The following RNF144B variants were observed in gnomAD, a reference collection of about 807,000 sequenced individuals.
RNF144B encodes the protein E3 ubiquitin-protein ligase RNF144B.
In RNF144B, 25 loss-of-function variants were observed where a neutral mutation model predicts 40.2. The observed-to-expected ratio is 0.62, with a 90% CI of 0.45 to 0.87. RNF144B has a LOEUF of 0.87. Ranked by LOEUF, RNF144B falls within the 40% of genes least tolerant of loss-of-function variation. The pLI is 0.00. For synonymous variants in RNF144B, 145 were observed against 136.3 expected, an observed-to-expected ratio of 1.06 and a Z score of -0.44; for missense variants, 365 against 373.7, an observed-to-expected ratio of 0.98 and a Z score of 0.19.
intron 1 of RNF144B, chr6:18,396,490 A>C: frequency 2.0e-6 from 2 of 984,616 alleles, no homozygotes; most frequent in Non-Finnish European, 2.4e-6. Context: ...CTAGGTCAGA[A>C]CAACAGGATT....
chr6:18,428,527 C>G (rs1300951818), intron 3 of RNF144B, among the ~76,000 whole-genome samples: 1 of 151,896 alleles, frequency 6.6e-6, no homozygotes, highest in Admixed American at 6.6e-5. Flanking sequence ...TGTTCAATCA[C>G]CGGTTATTGG....
rs58124564 is a variant in RNF144B at position 18,406,457 on chromosome 6, A to AGTGTGTGTGTGTGTGTGT, written c.165+6785_165+6802dup. 1.3e-4 allele frequency among the ~76,000 whole-genome samples: 17 copies of AGTGTGTGTGTGTGTGTGT among 131,014 alleles called. No homozygotes were observed. The highest frequency in any genetic ancestry group is 4.8e-4 in the East Asian group (2 of 4,146). The allele number at this position is 131,014 out of a possible 152,430, so 86.0% of individuals were successfully genotyped here. ...CAAAGGAGGCTGGTGTGGCTGGAAA[A>AGTGTGTGTGTGTGTGTGT]GTGTGTGTGTGTGTGTGTGTGTGTG... On this transcript the variant is annotated intron_variant, in intron 2 of 7. Transcript: ENST00000259939. This position sits in a 1 kb window ranked among gnomAD's most constrained non-coding sequence, Gnocchi z 4.2.
At chr6:18,387,750 T>A in intron 1 of RNF144B, 120 bp downstream of exon 1, 1 of 739,436 alleles carries the variant, frequency 1.4e-6, no homozygotes, top group South Asian at 1.7e-5. Context: ...TTTCTGTCTC[T>A]AGTGCTCAAA....
chr6:18,389,345 A>G (rs1297430267), intron 1 of RNF144B, among the ~76,000 whole-genome samples: 2 of 152,194 alleles, frequency 1.3e-5, no homozygotes, highest in Non-Finnish European at 1.5e-5. Context: ...AGAGAAGAGT[A>G]TGCTCTCTCT....
intron 4 of RNF144B, among the ~76,000 whole-genome samples, chr6:18,454,779 A>AGGTATCTG (rs1165358376): frequency 6.6e-6 from 1 of 152,210 alleles, no homozygotes; most frequent in Non-Finnish European, 1.5e-5. Context: ...TTGTCACCCC[A>AGGTATCTG]GATACCTGAA....
chr6:18,389,898 A>G (rs1794547931), intron 1 of RNF144B, among the ~76,000 whole-genome samples: 1 of 152,180 alleles, frequency 6.6e-6, no homozygotes, highest in African/African-American at 2.4e-5. Flanking sequence ...CAAATGGTCA[A>G]TATTTTCAGC....
In RNF144B at chr6:18,465,092, G is replaced by A; in HGVS notation, c.*25G>A. The A allele has an allele frequency of 1.2e-6, 2 of 1,611,892 alleles. No homozygotes were observed. The highest frequency in any genetic ancestry group is 1.7e-6 in the Non-Finnish European group (2 of 1,178,878). On this transcript the variant is annotated 3_prime_UTR_variant, in exon 8 of 8. Transcript: ENST00000259939. ...AAGATCTCTGTGTTCATACGCCCCAGATATGTGAGTTACATGAGATGGCAC... is the reference window on the plus strand; with the variant it reads ...AAGATCTCTGTGTTCATACGCCCCAAATATGTGAGTTACATGAGATGGCAC...
At position 18,447,778 on chromosome 6, in the gene RNF144B, G is replaced by A. The variant is rs896252340; in HGVS notation, c.331+8034G>A. Among the ~76,000 whole-genome samples the A allele has an allele frequency of 2.6e-5, 4 of 152,296 alleles. No homozygotes were observed. Among genetic ancestry groups the A allele is most frequent in the East Asian group, 1.9e-4 (1 of 5,184 alleles). On this transcript the variant is annotated intron_variant, in intron 4 of 7. Transcript: ENST00000259939. The surrounding 1 kb of genome is among the most constrained non-coding windows in gnomAD (Gnocchi z 5.6). ...CAGCATAGAGGTCAGGTTTAAAGCT[G>A]TGACACTGAATGAGCGCATCTAAGA...
rs1376323073 is a variant in RNF144B, at chr6:18,410,035, C to T, written c.165+10336C>T. Reference sequence around the variant, plus strand: ...GTGCTTGTATGTTGTGTAGACTTTTCCCCCCTTAAGCATGCCTTTGCCAAA... The same window carrying T: ...GTGCTTGTATGTTGTGTAGACTTTTTCCCCCTTAAGCATGCCTTTGCCAAA... On this transcript the variant is annotated intron_variant, in intron 2 of 7. Coordinates refer to ENST00000259939, the MANE Select transcript of RNF144B (RefSeq NM_182757.4). This position sits in a 1 kb window ranked among gnomAD's most constrained non-coding sequence, Gnocchi z 4.6. Among the ~76,000 whole-genome samples, 3 of 152,030 alleles carry T rather than the reference C, an allele frequency of 2.0e-5. No individual in the cohort carries two copies. Among genetic ancestry groups the T allele is most frequent in the Non-Finnish European group, 2.9e-5 (2 of 68,002 alleles).
rs1478939782 is a variant in RNF144B, at chr6:18,441,011, A to G, written c.331+1267A>G. ...GTTGAACATGGAATCAGAACCAGGG[A>G]GTCAGAAGGATTTTTGGTTTAATGG... On this transcript the variant is annotated intron_variant, in intron 4 of 7. Transcript: ENST00000259939. This position sits in a 1 kb window ranked among gnomAD's most constrained non-coding sequence, Gnocchi z 4.9. 6.6e-6 allele frequency among the ~76,000 whole-genome samples: 1 copy of G among 152,060 alleles called. No homozygotes were observed. Among genetic ancestry groups the G allele is most frequent in the Non-Finnish European group, 1.5e-5 (1 of 68,010 alleles).
At position 18,398,918 on chromosome 6, in the gene RNF144B, CTCCT is replaced by C. The variant is rs1325873344; in HGVS notation, c.-36-580_-36-577del. Among the ~76,000 whole-genome samples the C allele has an allele frequency of 6.6e-6, 1 of 152,158 alleles. No homozygotes were observed. Among genetic ancestry groups the C allele is most frequent in the Non-Finnish European group, 1.5e-5 (1 of 68,046 alleles). ...TGTTGAATTGATTGTAGTGATGCAA[CTCCT>C]AAATATGTTTGCTCATAGTGATATT... On this transcript the variant is annotated intron_variant, in intron 1 of 7. Coordinates refer to ENST00000259939, the MANE Select transcript of RNF144B (RefSeq NM_182757.4). This position sits in a 1 kb window ranked among gnomAD's most constrained non-coding sequence, Gnocchi z 5.0.
At position 18,459,260 on chromosome 6, in the gene RNF144B, A is replaced by G. The variant is rs1164048421; in HGVS notation, c.537-347A>G. On this transcript the variant is annotated intron_variant, in intron 5 of 7. Transcript: ENST00000259939. This position sits in a 1 kb window ranked among gnomAD's most constrained non-coding sequence, Gnocchi z 4.2. ...ATGAACAGACCATTAGATAGATTAT[A>G]TACGCCCAGTTTGGACCCTGACCTA... Among the ~76,000 whole-genome samples, 3 of 152,208 alleles carry G rather than the reference A, an allele frequency of 2.0e-5. No homozygotes were observed. Among genetic ancestry groups the G allele is most frequent in the Admixed American group, 6.5e-5 (1 of 15,284 alleles).
chr6:18,391,789 A>C (rs892385220), intron 1 of RNF144B, among the ~76,000 whole-genome samples: 17 of 151,514 alleles, frequency 1.1e-4, no homozygotes, highest in Non-Finnish European at 1.9e-4. Flanking sequence ...GATGGCGTGA[A>C]CCCAGGAGGC....
chr6:18,439,635 A>G (rs749046088), intron 3 of RNF144B, 49 bp from the exon 4 acceptor site: 2 of 1,279,102 alleles, frequency 1.6e-6, no homozygotes, highest in South Asian at 2.4e-5. Flanking sequence ...CTGGTAACTC[A>G]GGGCACTATG....
At chr6:18,408,989 G>C (rs938235720) in intron 2 of RNF144B, among the ~76,000 whole-genome samples, 1 of 148,936 alleles carries the variant, frequency 6.7e-6, no homozygotes, top group Non-Finnish European at 1.5e-5. Flanking sequence ...GACCTTTACA[G>C]GGTCTGCCTT....
At chr6:18,429,134 G>T (rs1328831041) in intron 3 of RNF144B, among the ~76,000 whole-genome samples, 1 of 152,038 alleles carries the variant, frequency 6.6e-6, no homozygotes, top group East Asian at 1.9e-4. Flanking sequence ...GAAGGTCAAG[G>T]CTCCAGTAAG....
At chr6:18,411,902 G>A (rs1461568523) in intron 2 of RNF144B, among the ~76,000 whole-genome samples, 2 of 152,102 alleles carry the variant, frequency 1.3e-5, no homozygotes, top group South Asian at 2.1e-4. Flanking sequence ...TACAAACATA[G>A]TACATTGTGG....
intron 3 of RNF144B, among the ~76,000 whole-genome samples, chr6:18,431,828 A>G (rs905486789): frequency 1.3e-5 from 2 of 152,230 alleles, no homozygotes; most frequent in African/African-American, 4.8e-5. Flanking sequence ...TCTAGCTTAC[A>G]GAGTTGGCTG....
At chr6:18,451,740 G>C (rs576871116) in intron 4 of RNF144B, among the ~76,000 whole-genome samples, 1 of 152,312 alleles carries the variant, frequency 6.6e-6, no homozygotes, top group East Asian at 1.9e-4. Flanking sequence ...ACCAGTGAAT[G>C]TGAATTGCTC....
Sources: gnomAD v4.1 joint callset for allele counts (sites outside exome capture counted in the v4.1 genomes callset) on GRCh38, gnomAD v4.1.1 for gene constraint, Gnocchi (gnomAD v3.1) non-coding constraint, MANE v1.5 for transcripts, NCBI Gene and HGNC (gene_info 2026-07-23, HGNC 2026-07-21) for gene names.